The following ARID2 variants were observed in gnomAD, a reference collection of about 807,000 sequenced individuals.
ARID2 encodes AT-rich interaction domain 2.
A neutral mutation model predicts 184.6 loss-of-function variants in ARID2; 32 were observed. The ratio of observed to expected loss-of-function variants is 0.17; its 90% CI spans 0.13 to 0.23. The LOEUF is 0.23. Ranked by LOEUF, ARID2 falls within the 10% of genes least tolerant of loss-of-function variation. The pLI, the probability that ARID2 is intolerant of heterozygous loss-of-function variation, is 1.00. For missense variants in ARID2, 1,696 were observed against 2,197.6 expected (o/e 0.77, Z 4.56); for synonymous variants, 836 against 772.6 (o/e 1.08, Z -1.36).
Position 45,844,728 on chromosome 12 carries a change from C to G in ARID2, c.1499-2128C>G, listed in dbSNP as rs76877315. On this transcript the variant is annotated intron_variant, in intron 11 of 20. Transcript: ENST00000334344. Reference sequence around the variant, plus strand: ...ATAATCTAATCCTTATAGCAACATACGAGGTTAGTGTACTGTTACTTTCCT... The same window carrying G: ...ATAATCTAATCCTTATAGCAACATAGGAGGTTAGTGTACTGTTACTTTCCT... Among the ~76,000 whole-genome samples the G allele has an allele frequency of 2.9e-3, 437 of 152,244 alleles. 3 individuals are homozygous for G. The highest frequency in any genetic ancestry group is 9.9e-3 in the African/African-American group (410 of 41,542).
At chr12:45,841,121 A>C (rs1943335840) in intron 11 of ARID2, 1 of 152,218 alleles carries the variant, frequency 6.6e-6, no homozygotes, top group Non-Finnish European at 1.5e-5. Flanking sequence ...GAAGAAACTA[A>C]AGATTAAATT....
At chr12:45,793,481 AAATTGAAAGACCT>A (rs1190734726) in intron 3 of ARID2, among the ~76,000 whole-genome samples, 2 of 151,854 alleles carry the variant, frequency 1.3e-5, no homozygotes, top group Non-Finnish European at 2.9e-5. Context: ...CCTTTCCCAT[AAATTGAAAGACCT>A]AATTGAAAGA....
At chr12:45,729,980 C>T (rs1211613083) in intron 1 of ARID2, 52 bp downstream of exon 1, 6 of 1,605,676 alleles carry the variant, frequency 3.7e-6, no homozygotes, top group African/African-American at 2.7e-5. Flanking sequence ...GCGAACGGGG[C>T]TCTCCCGCCC....
At chr12:45,774,756 A>T (rs995086849) in intron 3 of ARID2, among the ~76,000 whole-genome samples, 1 of 152,196 alleles carries the variant, frequency 6.6e-6, no homozygotes, top group African/African-American at 2.4e-5. Context: ...ATACAAAATG[A>T]TAATAATAGT....
chr12:45,777,822 AATAT>A (rs1452508787), intron 3 of ARID2, among the ~76,000 whole-genome samples: 1 of 147,788 alleles, frequency 6.8e-6, no homozygotes, highest in Non-Finnish European at 1.5e-5. Context: ...TTTTTATATA[AATAT>A]ATATTTTATA....
At chr12:45,759,184 C>T (rs1356801621) in intron 3 of ARID2, among the ~76,000 whole-genome samples, 1 of 152,072 alleles carries the variant, frequency 6.6e-6, no homozygotes, top group African/African-American at 2.4e-5. Context: ...ATATTGTATT[C>T]TAGTTCTCTG....
At chr12:45,757,751 A>G (rs774598464) in intron 3 of ARID2, among the ~76,000 whole-genome samples, 2 of 152,244 alleles carry the variant, frequency 1.3e-5, no homozygotes, top group Non-Finnish European at 2.9e-5. Context: ...AATATTTCAT[A>G]CGGTTAGTTC....
chr12:45,825,698 A>G (rs1942982334), intron 6 of ARID2, among the ~76,000 whole-genome samples: 1 of 152,114 alleles, frequency 6.6e-6, no homozygotes, highest in Non-Finnish European at 1.5e-5. Flanking sequence ...CCTCGTCTCT[A>G]CAAAGAAAAA....
chr12:45,850,801 T>G lies in ARID2; in HGVS notation c.2678T>G (p.Phe893Cys), dbSNP rs2138165265. ...AGTCCACAAGCCTCAAGGGTAGGGT[T>G]TCAGAACATTGCACCAAAACCTCTC... ...VPSPQASRVG[F>C]QNIAPKPLPS... Residue 893 changes from phenylalanine to cysteine, a missense_variant, in exon 15 of 21, where the codon TTT (phenylalanine) becomes TGT (cysteine). By Grantham distance (205) the Phe-to-Cys change is radical (BLOSUM62 -2). Around this residue, in one of 11 missense-constraint regions of ARID2, gnomAD observed 713 missense variants for 824.4 expected, o/e 0.86. Transcript: ENST00000334344. 2 of 1,614,068 alleles carry G rather than the reference T, an allele frequency of 1.2e-6. No individual in the cohort carries two copies. The highest frequency in any genetic ancestry group is 1.7e-6 in the Non-Finnish European group (2 of 1,179,980).
chr12:45,790,348 A>G (rs1175410431), intron 3 of ARID2, among the ~76,000 whole-genome samples: 1 of 152,076 alleles, frequency 6.6e-6, no homozygotes, highest in Admixed American at 6.5e-5. Context: ...TATTTGTATG[A>G]TATAGATTCA....
intron 20 of ARID2, among the ~76,000 whole-genome samples, chr12:45,897,303 G>T (rs1944382965): frequency 6.6e-6 from 1 of 152,138 alleles, no homozygotes; most frequent in African/African-American, 2.4e-5. Flanking sequence ...AAAACACAGG[G>T]CAAAAGCTTT....
chr12:45,832,580 A>G (rs1943141525), intron 6 of ARID2, among the ~76,000 whole-genome samples: 2 of 151,936 alleles, frequency 1.3e-5, no homozygotes, highest in African/African-American at 4.8e-5. Context: ...GAGTTCAAGC[A>G]ATCCTCCTGC....
intron 3 of ARID2, among the ~76,000 whole-genome samples, chr12:45,741,899 T>C (rs1218754463): frequency 6.6e-6 from 1 of 152,248 alleles, no homozygotes; most frequent in Non-Finnish European, 1.5e-5. Context: ...TTATTTTGTC[T>C]GTAAATACAT....
chr12:45,817,683 A>G lies in ARID2; in HGVS notation c.432A>G (p.Gln144=). 1 of 1,605,740 alleles carries G rather than the reference A, an allele frequency of 6.2e-7. No homozygotes were observed. Among genetic ancestry groups the G allele is most frequent in the Non-Finnish European group, 8.5e-7 (1 of 1,177,932 alleles). ...TTTCTTTGTTAGATTATCTGCGTCA[A>G]AGTTATGGGCTGTCCATGGACTTTA... ...QQHSVSDYLR[Q]SYGLSMDFNS... The change falls in exon 5 of 21, where the codon CAA becomes CAG. Residue 144 remains glutamine, a synonymous_variant. Coordinates refer to ENST00000334344, the MANE Select transcript of ARID2 (RefSeq NM_152641.4).
At position 45,738,018 on chromosome 12, in the gene ARID2, T is replaced by A. The variant is rs549795418; in HGVS notation, c.284+6704T>A. Among the ~76,000 whole-genome samples, 18 of 152,316 alleles carry A rather than the reference T, an allele frequency of 1.2e-4. No homozygotes were observed. The South Asian group carries it at 3.5e-3, about 30-fold the overall frequency. ...GTTTATGTAATTTGGATTAAAAAAA[T>A]TAATTAAAAATAAGTGTTCCTCACT... On this transcript the variant is annotated intron_variant, in intron 3 of 20. Transcript: ENST00000334344.
At chr12:45,839,779 C>T in intron 11 of ARID2, 1 of 268,432 alleles carries the variant, frequency 3.7e-6, no homozygotes, top group East Asian at 6.7e-5. Flanking sequence ...CTATAAGTGC[C>T]CCAATAGGCA....
chr12:45,797,849 T>C lies in ARID2; in HGVS notation c.285-13569T>C, dbSNP rs201821158. On this transcript the variant is annotated intron_variant, in intron 3 of 20. Coordinates refer to ENST00000334344, the MANE Select transcript of ARID2 (RefSeq NM_152641.4). ...GAATTATTGATTCAGCTCTTCATTT[T>C]GTTTTAAATATTGTATCTTTTAATA... Among the ~76,000 whole-genome samples, 12 of 152,148 alleles carry C rather than the reference T, an allele frequency of 7.9e-5. No individual in the cohort carries two copies. The East Asian group carries it at 2.3e-3, about 29-fold the overall frequency.
intron 3 of ARID2, among the ~76,000 whole-genome samples, chr12:45,750,898 G>T (rs1941451478): frequency 6.6e-6 from 1 of 152,156 alleles, no homozygotes; most frequent in Admixed American, 6.5e-5. Context: ...GTACAAAGTG[G>T]TGGGGCTAGA....
Position 45,851,246 on chromosome 12 carries a change from A to T in ARID2, c.3123A>T (p.Gln1041His), listed in dbSNP as rs564816573. 6.2e-7 allele frequency: 1 copy of T among 1,614,040 alleles called. No individual in the cohort carries two copies. ...CCCAACAAGTACAGATGCAAGTTCAACCTCAACAGTCGAATGCAGGAGTTG... is the reference window on the plus strand; with the variant it reads ...CCCAACAAGTACAGATGCAAGTTCATCCTCAACAGTCGAATGCAGGAGTTG... ...QQPQQVQMQV[Q>H]PQQSNAGVGQ... Residue 1041 changes from glutamine (Q) to histidine (H), a missense_variant, in exon 15 of 21, where the codon CAA becomes CAT. Physicochemically the swap from Gln to His is conservative, Grantham distance 24. Around this residue, in one of 11 missense-constraint regions of ARID2, gnomAD observed 713 missense variants for 824.4 expected, o/e 0.86. Transcript: ENST00000334344.
Sources: allele counts gnomAD v4.1 joint callset (sites outside exome capture counted in the v4.1 genomes callset), GRCh38; gene constraint gnomAD v4.1.1; regional missense constraint gnomAD v4.1.1; transcripts MANE v1.5; gene names NCBI Gene and HGNC (gene_info 2026-07-23, HGNC 2026-07-21).